Variants in BBS9 observed in about 807,000 individuals in gnomAD.
BBS9 encodes the protein Bardet-Biedl syndrome 9.
A neutral mutation model predicts 117.7 loss-of-function variants in BBS9; 89 were observed. The ratio of observed to expected loss-of-function variants is 0.76; its 90% CI spans 0.64 to 0.90. The LOEUF (loss-of-function observed/expected upper bound fraction) is 0.90. Among genes scored for constraint, BBS9 ranks in the 40% least tolerant of loss-of-function variants. The pLI is 0.00. For missense variants in BBS9, 982 were observed against 1,042.2 expected, an observed-to-expected ratio of 0.94 and a Z score of 0.80; for synonymous variants, 379 against 370.9, an observed-to-expected ratio of 1.02 and a Z score of -0.25.
At chr7:33,406,867 A>G (rs887366286) in intron 19 of BBS9, among the ~76,000 whole-genome samples, 1 of 151,728 alleles carries the variant, frequency 6.6e-6, no homozygotes, top group Non-Finnish European at 1.5e-5. Flanking sequence ...TGCCCTTAAC[A>G]TTTTTTCCTT....
chr7:33,136,388 A>G (rs1481020968), intron 1 of BBS9, among the ~76,000 whole-genome samples: 1 of 152,186 alleles, frequency 6.6e-6, no homozygotes, highest in Non-Finnish European at 1.5e-5. Flanking sequence ...AGCATCCAGT[A>G]TGATTTTGAA....
chr7:33,492,811 AGTGTGT>A (rs57870306), intron 19 of BBS9, among the ~76,000 whole-genome samples: 7,105 of 131,554 alleles, frequency 0.054, 192 homozygotes, highest in African/African-American at 0.062. Context: ...TATAGGAGTG[AGTGTGT>A]GTGTGTGTGT....
chr7:33,276,280 C>T (rs1223278617), intron 9 of BBS9, among the ~76,000 whole-genome samples: 1 of 152,090 alleles, frequency 6.6e-6, no homozygotes. Context: ...GGTTTTCTGC[C>T]CTCACCACAA....
rs1159918515 is a variant in BBS9 at position 33,309,512 on chromosome 7, T to C, written c.1017-26929T>C. Among the ~76,000 whole-genome samples, 5 of 152,310 alleles carry C rather than the reference T, an allele frequency of 3.3e-5. No individual in the cohort carries two copies. The South Asian group carries it at 6.2e-4, about 19-fold the overall frequency. Reference sequence around the variant, plus strand: ...TTTGGTGACTTTTTATATAGGGGCATGAAGCAGAAAAAGAATTATTGTTAT... The same window carrying C: ...TTTGGTGACTTTTTATATAGGGGCACGAAGCAGAAAAAGAATTATTGTTAT... On this transcript the variant is annotated intron_variant, in intron 9 of 22. Transcript: ENST00000242067.
chr7:33,317,982 G>A (rs764054786), intron 9 of BBS9, among the ~76,000 whole-genome samples: 62 of 152,218 alleles, frequency 4.1e-4, no homozygotes, highest in Non-Finnish European at 7.1e-4. Context: ...AACCCAGGAG[G>A]CAGAAGTTGC....
chr7:33,207,330 G>A (rs144971766), intron 5 of BBS9, among the ~76,000 whole-genome samples: 1 of 152,262 alleles, frequency 6.6e-6, no homozygotes, highest in African/African-American at 2.4e-5. Context: ...ACATTTGTCA[G>A]TTGGTTCTCA....
intron 19 of BBS9, among the ~76,000 whole-genome samples, chr7:33,494,619 C>G (rs1844471009): frequency 6.6e-6 from 1 of 152,174 alleles, no homozygotes; most frequent in African/African-American, 2.4e-5. Flanking sequence ...AGGGACTTCC[C>G]TTACCCAAGT....
At chr7:33,211,163 A>G (rs1255097891) in intron 5 of BBS9, among the ~76,000 whole-genome samples, 1 of 152,178 alleles carries the variant, frequency 6.6e-6, no homozygotes, top group African/African-American at 2.4e-5. Context: ...TAGTCCATTT[A>G]CATTTAATGT....
At chr7:33,303,811 CA>C (rs1807112915) in intron 9 of BBS9, among the ~76,000 whole-genome samples, 1 of 152,152 alleles carries the variant, frequency 6.6e-6, no homozygotes, top group East Asian at 1.9e-4. Flanking sequence ...ACTCAGTGCT[CA>C]ATGTGGCCCA....
chr7:33,349,396 T>G (rs905198732), intron 13 of BBS9: 11 of 552,570 alleles, frequency 2.0e-5, no homozygotes, highest in Non-Finnish European at 3.8e-5. Flanking sequence ...GATTTCTAGG[T>G]GCTTTTCTGA....
chr7:33,377,164 T>C (rs1824054202), intron 17 of BBS9, among the ~76,000 whole-genome samples: 1 of 152,166 alleles, frequency 6.6e-6, no homozygotes, highest in Non-Finnish European at 1.5e-5. Context: ...TCTTCCAGGG[T>C]TTTTATAGAT....
intron 19 of BBS9, among the ~76,000 whole-genome samples, chr7:33,486,990 T>G (rs531684943): frequency 2.2e-4 from 34 of 152,346 alleles, no homozygotes; most frequent in African/African-American, 8.2e-4. Context: ...TCTTCGTAAT[T>G]TGTATGTGCT....
intron 21 of BBS9, among the ~76,000 whole-genome samples, chr7:33,578,248 T>G (rs960629063): frequency 5.3e-5 from 8 of 152,120 alleles, no homozygotes; most frequent in Admixed American, 4.6e-4. Flanking sequence ...AACTGAGTCT[T>G]AGAGATTTTA....
At chr7:33,531,949 T>C (rs1229015738) in intron 20 of BBS9, among the ~76,000 whole-genome samples, 9 of 152,232 alleles carry the variant, frequency 5.9e-5, no homozygotes, top group African/African-American at 2.2e-4. Context: ...GTTTTATATC[T>C]CACCATCTCT....
chr7:33,453,831 C>A (rs1838251250), intron 19 of BBS9, among the ~76,000 whole-genome samples: 1 of 152,122 alleles, frequency 6.6e-6, no homozygotes. Context: ...TTAACATTTT[C>A]TTTTCTTTAG....
At chr7:33,176,193 CA>C in intron 4 of BBS9, among the ~76,000 whole-genome samples, 1 of 152,136 alleles carries the variant, frequency 6.6e-6, no homozygotes, top group African/African-American at 2.4e-5. Context: ...ATCCATATGC[CA>C]AAGAGTCCTG....
At chr7:33,324,420 A>G (rs1482852566) in intron 9 of BBS9, among the ~76,000 whole-genome samples, 1 of 152,108 alleles carries the variant, frequency 6.6e-6, no homozygotes, top group African/African-American at 2.4e-5. Flanking sequence ...ATCTTATTGT[A>G]CTATGTATTA....
intron 19 of BBS9, among the ~76,000 whole-genome samples, chr7:33,420,846 G>C (rs1455142556): frequency 6.6e-6 from 1 of 152,168 alleles, no homozygotes; most frequent in Non-Finnish European, 1.5e-5. Flanking sequence ...ATTCTTGCCA[G>C]GCTCTGTGTT....
intron 5 of BBS9, among the ~76,000 whole-genome samples, chr7:33,213,695 A>G (rs73688083): frequency 0.017 from 2,604 of 152,100 alleles, 62 homozygotes; most frequent in African/African-American, 0.059. Context: ...ATCAGCATGT[A>G]ATGAATCCTG....
Sources: allele counts gnomAD v4.1 joint callset (sites outside exome capture counted in the v4.1 genomes callset), GRCh38; gene constraint gnomAD v4.1.1; transcripts MANE v1.5; gene names NCBI Gene and HGNC (gene_info 2026-07-23, HGNC 2026-07-21).